The following OR6J1 variants were observed in gnomAD, a reference collection of about 807,000 sequenced individuals.
OR6J1 encodes olfactory receptor 6J1.
For synonymous variants in OR6J1, 109 were observed against 70.0 expected, an observed-to-expected ratio of 1.56 and a Z score of -2.78; for missense variants, 304 against 166.8, an observed-to-expected ratio of 1.82 and a Z score of -4.53.
intron 1 of OR6J1, among the ~76,000 whole-genome samples, chr14:22,640,429 G>T (rs1006834399): frequency 1.3e-5 from 2 of 150,068 alleles, no homozygotes; most frequent in Admixed American, 1.3e-4. Context: ...TGCTCACAGA[G>T]TTGAATATAC....
chr14:22,638,046 G>T (rs1168035929), intron 1 of OR6J1, among the ~76,000 whole-genome samples: 1 of 107,818 alleles, frequency 9.3e-6, no homozygotes, highest in Non-Finnish European at 1.8e-5. Context: ...TCAGCCCCCC[G>T]CCTGGCCAGC....
intron 1 of OR6J1, among the ~76,000 whole-genome samples, chr14:22,641,250 A>G (rs1314264498): frequency 7.5e-5 from 3 of 39,874 alleles, no homozygotes; most frequent in African/African-American, 1.8e-4. Context: ...AGAAAGAAAG[A>G]AAGAAAGAAA....
intron 1 of OR6J1, among the ~76,000 whole-genome samples, chr14:22,640,460 T>G (rs72679832): frequency 0.2 from 28,376 of 144,582 alleles, 3,730 homozygotes; most frequent in African/African-American, 0.3. Flanking sequence ...TGAATAAACT[T>G]CAGCTCAACC....
rs1177388728 is a variant in OR6J1 at position 22,633,923 on chromosome 14, G to C, written c.889C>G (p.Gln297Glu). ...ACCCACACATCCCTGAGGACTCCCT[G>C]CACTGTGTCATTCCTCAGAGTATAT... ...FIYTLRNDTV[Q>E]GVLRDVWVRV... Residue 297 changes from glutamine to glutamate, a missense_variant, in exon 2 of 2, where the codon CAG (glutamine) becomes GAG (glutamate). Physicochemically the swap from Gln to Glu is conservative, Grantham distance 29 (BLOSUM62 2). Coordinates refer to ENST00000540461, the MANE Select transcript of OR6J1 (RefSeq NM_001348233.2). The C allele has an allele frequency of 8.5e-6, 6 of 702,828 alleles. No homozygotes were observed. Among genetic ancestry groups the C allele is most frequent in the Admixed American group, 4.0e-5 (2 of 49,994 alleles). 43.5% of individuals were successfully genotyped at this position (702,828 alleles called of 1,614,324 possible). A position where few individuals can be genotyped will look rare whatever the true frequency, so the allele number is the denominator to read the frequency against.
In OR6J1 at chr14:22,634,605, G is replaced by A. The variant is rs2037571045; in HGVS notation, c.207C>T (p.Asp69=). The A allele has an allele frequency of 6.9e-6, 5 of 727,402 alleles. No individual in the cohort carries two copies. Among genetic ancestry groups the A allele is most frequent in the Non-Finnish European group, 7.6e-6 (3 of 395,542 alleles). 45.1% of individuals were successfully genotyped at this position (727,402 alleles called of 1,614,324 possible). ...YFFLCNLSIL[D]ILFTSVISPK... is the part of the protein sequence containing the mutation. ...GAGAGATGACTGAGGTGAAGAGGAT[G>A]TCCAGGATAGAGAGGTTGCACAAGA... is the stretch of plus-strand genomic sequence containing the variant. The change falls in exon 2 of 2, where the codon GAC becomes GAT. Residue 69 remains aspartate, a synonymous_variant. Coordinates refer to ENST00000540461, the MANE Select transcript of OR6J1 (RefSeq NM_001348233.2).
rs11846290 is a variant in OR6J1, at chr14:22,633,721, G to A, written c.*47C>T. 108,135 of 626,524 alleles carry A rather than the reference G, an allele frequency of 0.17. 10,316 individuals are homozygous for A. Among genetic ancestry groups the A allele is most frequent in the African/African-American group, 0.31 (17,072 of 54,424 alleles). 38.8% of individuals were successfully genotyped at this position (626,524 alleles called of 1,614,324 possible). A position where few individuals can be genotyped will look rare whatever the true frequency, so the allele number is the denominator to read the frequency against. On this transcript the variant is annotated 3_prime_UTR_variant, in exon 2 of 2. Transcript: ENST00000540461. ...CAGTCTTTCCACTATAGACTATTCA[G>A]AATTCCTTAGCTAGCTCACTCTTTC...
At chr14:22,639,317 A>G (rs1464935743) in intron 1 of OR6J1, among the ~76,000 whole-genome samples, 2 of 127,590 alleles carry the variant, frequency 1.6e-5, no homozygotes, top group Admixed American at 7.2e-5. Context: ...CTGGGAAGTG[A>G]GGAGCCCCTC....
intron 1 of OR6J1, among the ~76,000 whole-genome samples, chr14:22,637,838 C>A (rs1282511924): frequency 2.7e-5 from 1 of 36,568 alleles, no homozygotes. Flanking sequence ...GCCCGGCCAG[C>A]CGCCCCGTCC....
At chr14:22,643,752 C>CAGAGAGAGAGAG (rs1270936188) in intron 1 of OR6J1, among the ~76,000 whole-genome samples, 8 of 107,170 alleles carry the variant, frequency 7.5e-5, no homozygotes, top group African/African-American at 2.6e-4. Context: ...CACACACACA[C>CAGAGAGAGAGAG]ACACACACAC....
Position 22,637,226 on chromosome 14 carries a change from G to A in OR6J1, c.-27-2388C>T, listed in dbSNP as rs1387587605. Among the ~76,000 whole-genome samples, 6 of 88,124 alleles carry A rather than the reference G, an allele frequency of 6.8e-5. 1 individual carries two copies. In the East Asian group the frequency reaches 1.7e-3, roughly 25 times the overall value. The allele number at this position is 88,124 out of a possible 152,430, so 57.8% of individuals were successfully genotyped here. On this transcript the variant is annotated intron_variant, in intron 1 of 1. Coordinates refer to ENST00000540461, the MANE Select transcript of OR6J1 (RefSeq NM_001348233.2). ...AGCCCCTCCGTCCGGCAGCCACCCC[G>A]TCTGGGAAGTGAGGAGCGTCTCCGC...
At chr14:22,637,650 C>CT (rs1594902391) in intron 1 of OR6J1, among the ~76,000 whole-genome samples, 2 of 70,106 alleles carry the variant, frequency 2.9e-5, no homozygotes, top group Non-Finnish European at 5.7e-5. Flanking sequence ...GTCAGCCCCC[C>CT]GCCCGGCCAG....
chr14:22,637,525 G>A (rs2037600064), intron 1 of OR6J1, among the ~76,000 whole-genome samples: 3 of 33,544 alleles, frequency 8.9e-5, no homozygotes, highest in African/African-American at 2.7e-4. Flanking sequence ...CGCCCCGTCC[G>A]GGAGGGGGGA....
At chr14:22,640,483 GTATTTTT>G in intron 1 of OR6J1, among the ~76,000 whole-genome samples, 1 of 132,714 alleles carries the variant, frequency 7.5e-6, no homozygotes, top group South Asian at 2.3e-4. Flanking sequence ...CAGTGAGAAT[GTATTTTT>G]TTTTTTTTTT....
chr14:22,634,243 T>C lies in OR6J1; in HGVS notation c.569A>G (p.Asp190Gly). 1 of 703,358 alleles carries C rather than the reference T, an allele frequency of 1.4e-6. No individual in the cohort carries two copies. The highest frequency in any genetic ancestry group is 2.6e-6 in the Non-Finnish European group (1 of 384,990). 43.6% of individuals were successfully genotyped at this position (703,358 alleles called of 1,614,324 possible). The change falls in exon 2 of 2, where the codon GAC becomes GGC. Residue 190 changes from aspartate to glycine, a missense_variant. Transcript: ENST00000540461. ...SGPLLALACA[D>G]TTAIELMDFM... ...ATCCATCAGCTCGATGGCAGTGGTGTCTGCACAGGCCAGGGCCAGCAAGGG... is the reference window on the plus strand; with the variant it reads ...ATCCATCAGCTCGATGGCAGTGGTGCCTGCACAGGCCAGGGCCAGCAAGGG...
intron 1 of OR6J1, among the ~76,000 whole-genome samples, chr14:22,638,101 A>T (rs2037609293): frequency 2.3e-5 from 2 of 88,880 alleles, no homozygotes; most frequent in African/African-American, 1.5e-4. Flanking sequence ...GGCCGCCCCT[A>T]CTGGGAAGTG....
In OR6J1 at chr14:22,633,766, TTCTA is replaced by T; in HGVS notation, c.1042_*1del. On this transcript the variant is annotated stop_lost and 3_prime_UTR_variant, in exon 2 of 2. Transcript: ENST00000540461. ...TCTTTCACTAAGGCAGCTCCTCTCT[TTCTA>T]ACACTGGAGCTTTACAGAATAGACA... 1 of 671,674 alleles carries T rather than the reference TTCTA, an allele frequency of 1.5e-6. No homozygotes were observed. The allele number at this position is 671,674 out of a possible 1,614,324, so 41.6% of individuals were successfully genotyped here. A position where few individuals can be genotyped will look rare whatever the true frequency, so the allele number is the denominator to read the frequency against.
chr14:22,637,280 TG>T lies in OR6J1; in HGVS notation c.-27-2443del, dbSNP rs1372309340. 2.6e-4 allele frequency among the ~76,000 whole-genome samples: 15 copies of T among 58,706 alleles called. 1 individual carries two copies. The highest frequency in any genetic ancestry group is 4.3e-4 in the East Asian group (1 of 2,322). 38.5% of individuals were successfully genotyped at this position (58,706 alleles called of 152,430 possible). ...GCAGCCACCCCGTCCGGGAGGGAGGTGGGGGGGGTCAGCCCCCCGCCCGGCC... is the reference window on the plus strand; with the variant it reads ...GCAGCCACCCCGTCCGGGAGGGAGGTGGGGGGGTCAGCCCCCCGCCCGGCC... On this transcript the variant is annotated intron_variant, in intron 1 of 1. Coordinates refer to ENST00000540461, the MANE Select transcript of OR6J1 (RefSeq NM_001348233.2).
At chr14:22,642,401 C>T (rs1209292228) in intron 1 of OR6J1, among the ~76,000 whole-genome samples, 1 of 148,598 alleles carries the variant, frequency 6.7e-6, no homozygotes, top group African/African-American at 2.5e-5. Context: ...TGCAGTGGCA[C>T]GAGCTCAGCT....
At chr14:22,636,439 C>T (rs2037586993) in intron 1 of OR6J1, among the ~76,000 whole-genome samples, 1 of 31,380 alleles carries the variant, frequency 3.2e-5, no homozygotes, top group Non-Finnish European at 5.8e-5. Flanking sequence ...CCTCTCCCTC[C>T]AGGGTCTCCC....
Sources: gnomAD v4.1 joint callset for allele counts (sites outside exome capture counted in the v4.1 genomes callset) on GRCh38, gnomAD v4.1.1 for gene constraint, MANE v1.5 for transcripts, NCBI Gene and HGNC (gene_info 2026-07-23, HGNC 2026-07-21) for gene names.